Variants in DENND2B observed in about 807,000 individuals in gnomAD.
The protein encoded by DENND2B is DENN domain-containing protein 2B.
A neutral mutation model predicts 116.0 loss-of-function variants in DENND2B; 32 were observed. That is an observed-to-expected ratio of 0.28 (90% confidence interval 0.21 to 0.37). The LOEUF is 0.37. DENND2B is among the 10% of genes least tolerant of loss of function. The pLI, the probability that DENND2B is intolerant of heterozygous loss-of-function variation, is 1.00. For synonymous variants in DENND2B, 588 were observed against 583.9 expected (o/e 1.01, Z -0.10); for missense variants, 1,276 against 1,477.7 (o/e 0.86, Z 2.24).
intron 1 of DENND2B, among the ~76,000 whole-genome samples, chr11:8,796,279 C>T (rs1427471986): frequency 5.3e-5 from 8 of 152,170 alleles, no homozygotes; most frequent in Admixed American, 3.9e-4. Flanking sequence ...CAGTGGCTCA[C>T]GCCTGTAATC....
At chr11:8,852,349 A>T (rs536468026) in intron 3 of DENND2B, among the ~76,000 whole-genome samples, 2 of 152,202 alleles carry the variant, frequency 1.3e-5, no homozygotes, top group Non-Finnish European at 2.9e-5. Context: ...AAAAAAGGTA[A>T]AACAGGCCAG....
chr11:8,826,387 A>C (rs2061979417), intron 4 of DENND2B, among the ~76,000 whole-genome samples: 1 of 152,122 alleles, frequency 6.6e-6, no homozygotes, highest in South Asian at 2.1e-4. Flanking sequence ...TGGATCTTTA[A>C]CCTCCTATAC....
intron 13 of DENND2B, among the ~76,000 whole-genome samples, chr11:8,704,722 G>A (rs1489119713): frequency 6.6e-6 from 1 of 152,128 alleles, no homozygotes; most frequent in Non-Finnish European, 1.5e-5. Flanking sequence ...TTTTGAGATG[G>A]AGTCTCGCTT....
At chr11:8,771,984 T>C (rs781349105) in intron 1 of DENND2B, 3 of 152,044 alleles carry the variant, frequency 2.0e-5, no homozygotes, top group Non-Finnish European at 2.9e-5. Flanking sequence ...AACATGAGTC[T>C]TGGAGGGGAC....
intron 3 of DENND2B, among the ~76,000 whole-genome samples, chr11:8,855,009 GTGGCCCACATAGTGGT>G (rs1305598122): frequency 6.6e-6 from 1 of 150,932 alleles, no homozygotes; most frequent in African/African-American, 2.4e-5. Context: ...GCCAGGCATA[GTGGCCCACATAGTGGT>G]CCTAGCTACT....
chr11:8,846,617 C>T (rs912803393), intron 3 of DENND2B, among the ~76,000 whole-genome samples: 1 of 152,134 alleles, frequency 6.6e-6, no homozygotes, highest in African/African-American at 2.4e-5. Flanking sequence ...CCAGAGTAGT[C>T]CTCCCAGTTA....
chr11:8,907,518 T>C (rs1187806725), intron 1 of DENND2B, among the ~76,000 whole-genome samples: 1 of 148,226 alleles, frequency 6.7e-6, no homozygotes, highest in African/African-American at 2.4e-5. Context: ...TATTTACAAA[T>C]AGAAAAATAA....
intron 2 of DENND2B, among the ~76,000 whole-genome samples, chr11:8,733,197 G>A (rs552661196): frequency 4.6e-5 from 7 of 152,328 alleles, no homozygotes; most frequent in South Asian, 4.1e-4. Context: ...GGTAGGGAGC[G>A]GCAGGGCAAG....
At position 8,730,386 on chromosome 11, in the gene DENND2B, G is replaced by C. The variant is rs779591159; in HGVS notation, c.904C>G (p.Gln302Glu). The C allele has an allele frequency of 2.5e-6, 4 of 1,605,146 alleles. No individual in the cohort carries two copies. In the South Asian group the frequency reaches 4.4e-5, roughly 18 times the overall value. Reference protein sequence around the residue: ...LKEQPGRGLPQLPSSCYSVDR... With the variant: ...LKEQPGRGLPELPSSCYSVDR... The stretch of plus-strand genomic sequence containing the variant: ...ACGCTGTAGCAGCTGCTGGGGAGCT[G>C]GGGGAGCCCCCGGCCCGGCTGCTCC... Residue 302 changes from glutamine (Q) to glutamate (E), a missense_variant, in exon 3 of 20, where the codon CAG becomes GAG. Gln to Glu is a conservative substitution (Grantham distance 29). Transcript: ENST00000313726. The surrounding 1 kb of genome is among the most constrained non-coding windows in gnomAD (Gnocchi z 4.1).
chr11:8,697,827 A>G, intron 16 of DENND2B, 191 bp from the exon 17 acceptor site: 1 of 602,162 alleles, frequency 1.7e-6, no homozygotes, highest in South Asian at 1.9e-5. Flanking sequence ...CCAAGATTAC[A>G]GAGATTAAAA....
intron 1 of DENND2B, among the ~76,000 whole-genome samples, chr11:8,791,161 A>G (rs1229497410): frequency 1.3e-5 from 2 of 152,194 alleles, no homozygotes; most frequent in African/African-American, 4.8e-5. Context: ...TCTCCTCAGT[A>G]CCAGCTGCCC....
At chr11:8,784,575 T>G (rs565056508) in intron 1 of DENND2B, 1 of 152,256 alleles carries the variant, frequency 6.6e-6, no homozygotes, top group African/African-American at 2.4e-5. Flanking sequence ...CAGTGGCTCA[T>G]GCCTGTAATC....
intron 15 of DENND2B, 36 bp from the exon 16 acceptor site, chr11:8,699,010 C>T: frequency 1.2e-6 from 2 of 1,612,484 alleles, no homozygotes; most frequent in South Asian, 1.1e-5. Context: ...TGGCTCAGGG[C>T]ATGAGTCCCG....
At chr11:8,766,507 A>G (rs2055820601) in intron 1 of DENND2B, 4 of 826,732 alleles carry the variant, frequency 4.8e-6, no homozygotes, top group African/African-American at 1.8e-5. Flanking sequence ...GACTTGGGCA[A>G]TGTCCACAAG....
At chr11:8,848,113 A>G (rs1184125436) in intron 3 of DENND2B, among the ~76,000 whole-genome samples, 4 of 152,206 alleles carry the variant, frequency 2.6e-5, no homozygotes, top group Admixed American at 6.5e-5. Flanking sequence ...ATTTCTTCCA[A>G]TTTTGCAAAG....
intron 1 of DENND2B, among the ~76,000 whole-genome samples, chr11:8,897,482 A>G (rs1397964560): frequency 1.3e-5 from 2 of 152,252 alleles, no homozygotes; most frequent in African/African-American, 4.8e-5. Context: ...GGTGCATAGG[A>G]CATTGTCAGA....
intron 1 of DENND2B, chr11:8,784,654 A>G (rs2058720028): frequency 6.6e-6 from 1 of 152,206 alleles, no homozygotes; most frequent in South Asian, 2.1e-4. Context: ...CCTGGCCAAC[A>G]TGGTGAAACC....
At chr11:8,710,192 G>C (rs2043349387) in intron 11 of DENND2B, among the ~76,000 whole-genome samples, 1 of 152,164 alleles carries the variant, frequency 6.6e-6, no homozygotes, top group Non-Finnish European at 1.5e-5. Flanking sequence ...GAGTGCAGCA[G>C]GGGCCAGGCT....
intron 3 of DENND2B, among the ~76,000 whole-genome samples, chr11:8,851,170 G>A (rs1417698984): frequency 6.6e-6 from 1 of 152,050 alleles, no homozygotes; most frequent in Non-Finnish European, 1.5e-5. Context: ...TACTAATAGT[G>A]TAGATTTTAA....
Sources: gnomAD v4.1 joint callset for allele counts (sites outside exome capture counted in the v4.1 genomes callset) on GRCh38, gnomAD v4.1.1 for gene constraint, Gnocchi (gnomAD v3.1) non-coding constraint, MANE v1.5 for transcripts, NCBI Gene and HGNC (gene_info 2026-07-23, HGNC 2026-07-21) for gene names.